The following RFX4 variants were observed in gnomAD, a reference collection of about 807,000 sequenced individuals.
RFX4 encodes regulatory factor X4.
In RFX4, 10 loss-of-function variants were observed where a neutral mutation model predicts 95.0. The ratio of observed to expected loss-of-function variants is 0.11; its 90% confidence interval spans 0.06 to 0.18. RFX4 has a LOEUF of 0.18. Among genes scored for constraint, RFX4 ranks in the 10% least tolerant of loss-of-function variants. The probability of loss-of-function intolerance (pLI) is 1.00; values close to 1 mark genes in which losing one functional copy is unlikely to be tolerated. For missense variants in RFX4, 640 were observed against 922.0 expected (o/e 0.69, Z 3.96); for synonymous variants, 321 against 340.7 (o/e 0.94, Z 0.64).
intron 17 of RFX4, among the ~76,000 whole-genome samples, chr12:106,760,120 G>A (rs2043183526): frequency 6.6e-6 from 1 of 152,196 alleles, no homozygotes; most frequent in Non-Finnish European, 1.5e-5. Context: ...AACTGTCAGG[G>A]AAGACAGATG....
At chr12:106,713,036 A>C (rs1468031988) in intron 10 of RFX4, among the ~76,000 whole-genome samples, 8 of 152,212 alleles carry the variant, frequency 5.3e-5, no homozygotes, top group African/African-American at 1.9e-4. Context: ...CACCTTCCGC[A>C]CAAAAACAGT....
intron 4 of RFX4, among the ~76,000 whole-genome samples, chr12:106,676,366 A>G (rs1310891510): frequency 1.3e-5 from 2 of 152,156 alleles, no homozygotes; most frequent in African/African-American, 4.8e-5. Flanking sequence ...AGTTCATGGA[A>G]GGAAATTTAG....
chr12:106,723,290 T>G (rs2042429278), intron 13 of RFX4, among the ~76,000 whole-genome samples: 1 of 152,206 alleles, frequency 6.6e-6, no homozygotes, highest in Admixed American at 6.5e-5. Flanking sequence ...AGGCAAACTT[T>G]TAGTCCTAAT....
At chr12:106,658,652 A>T (rs1424373650) in intron 4 of RFX4, among the ~76,000 whole-genome samples, 1 of 152,146 alleles carries the variant, frequency 6.6e-6, no homozygotes, top group Non-Finnish European at 1.5e-5. Context: ...TCATTTGACA[A>T]ACTGGTGCTC....
intron 17 of RFX4, among the ~76,000 whole-genome samples, chr12:106,752,678 C>G (rs2043032402): frequency 6.6e-6 from 1 of 152,176 alleles, no homozygotes; most frequent in African/African-American, 2.4e-5. Flanking sequence ...CCAGCCCGCA[C>G]AGGTAATCTT....
intron 10 of RFX4, chr12:106,715,130 CT>C (rs1039488838): frequency 3.1e-6 from 1 of 325,562 alleles, no homozygotes; most frequent in African/African-American, 2.1e-5. Context: ...ACCAAAGGGA[CT>C]GGAAACAGCA....
intron 17 of RFX4, among the ~76,000 whole-genome samples, chr12:106,755,572 T>C (rs1168887128): frequency 1.3e-5 from 2 of 152,078 alleles, no homozygotes; most frequent in African/African-American, 4.8e-5. Context: ...ATTCAAGAGG[T>C]TACTGCTGCT....
chr12:106,603,026 G>A (rs2039744119), intron 1 of RFX4, among the ~76,000 whole-genome samples: 1 of 152,238 alleles, frequency 6.6e-6, no homozygotes, highest in Admixed American at 6.5e-5. Context: ...TAATATATGT[G>A]TGTCCTGTTG....
rs60975691 is a variant in RFX4 at position 106,669,839 on chromosome 12, G to GGTGTGTGTGTGTGTGTGT, written c.316-12131_316-12114dup. Among the ~76,000 whole-genome samples, 5 of 143,254 alleles carry GGTGTGTGTGTGTGTGTGT rather than the reference G, an allele frequency of 3.5e-5. No homozygotes were observed. In the South Asian group the frequency reaches 9.4e-4, roughly 27 times the overall value. 94.0% of individuals were successfully genotyped at this position (143,254 alleles called of 152,430 possible). On this transcript the variant is annotated intron_variant, in intron 4 of 17. Coordinates refer to ENST00000392842, the MANE Select transcript of RFX4 (RefSeq NM_213594.3). Reference sequence around the variant, plus strand: ...GATTTCACACCAGGTTTTTTCTAGGGGTGTGTGTGTGTGTGTGTGTGTGTG... The same window carrying GGTGTGTGTGTGTGTGTGT: ...GATTTCACACCAGGTTTTTTCTAGGGGTGTGTGTGTGTGTGTGTGTGTGTGTGTGTGTGTGTGTGTGTG...
intron 3 of RFX4, among the ~76,000 whole-genome samples, chr12:106,652,631 T>A (rs1472104368): frequency 6.6e-6 from 1 of 152,194 alleles, no homozygotes; most frequent in Non-Finnish European, 1.5e-5. Context: ...GTAGATGAGA[T>A]GATCGGGGAC....
chr12:106,761,479 T>C lies in RFX4; in HGVS notation c.*10T>C. ...AGGATGGGCTAAATGACTGCTATCA[T>C]AGGCATCCATATTTAATATTAATAA... On this transcript the variant is annotated 3_prime_UTR_variant, in exon 18 of 18. Transcript: ENST00000392842. The C allele has an allele frequency of 6.5e-7, 1 of 1,537,520 alleles. No individual in the cohort carries two copies. Among genetic ancestry groups the C allele is most frequent in the South Asian group, 1.3e-5 (1 of 74,264 alleles).
At chr12:106,641,442 C>T (rs2040620248) in intron 3 of RFX4, among the ~76,000 whole-genome samples, 1 of 152,206 alleles carries the variant, frequency 6.6e-6, no homozygotes, top group South Asian at 2.1e-4. Context: ...GGGTGGGGCT[C>T]AGTCCTTCCC....
intron 3 of RFX4, chr12:106,645,978 C>A (rs1357636640): frequency 1.4e-5 from 18 of 1,283,354 alleles, no homozygotes; most frequent in Admixed American, 6.9e-5. Context: ...GCAGAAATTT[C>A]TCAGGGAATG....
At chr12:106,629,547 C>T (rs1001129333) in intron 2 of RFX4, among the ~76,000 whole-genome samples, 9 of 152,222 alleles carry the variant, frequency 5.9e-5, no homozygotes, top group South Asian at 2.1e-4. Context: ...GTGGTGTAAT[C>T]GTGGCTCACT....
At chr12:106,745,023 C>T (rs2137600167) in intron 15 of RFX4, among the ~76,000 whole-genome samples, 1 of 152,254 alleles carries the variant, frequency 6.6e-6, no homozygotes, top group Non-Finnish European at 1.5e-5. Context: ...CCTAACTATT[C>T]AGGCTTCCAG....
Position 106,720,928 on chromosome 12 carries a change from G to A in RFX4, c.1351+52G>A, listed in dbSNP as rs756504110. The stretch of plus-strand genomic sequence containing the variant: ...TCCAAGCACTTTTTCCTCTGGGCAC[G>A]GAGCCCAGAGGAATCTACCACAGTC... On this transcript the variant is annotated intron_variant, in intron 13 of 17. Coordinates refer to ENST00000392842, the MANE Select transcript of RFX4 (RefSeq NM_213594.3). This position sits in a 1 kb window ranked among gnomAD's most constrained non-coding sequence, Gnocchi z 4.2. 1.2e-5 allele frequency: 17 copies of A among 1,461,684 alleles called. No individual in the cohort carries two copies. Among genetic ancestry groups the A allele is most frequent in the Admixed American group, 6.8e-5 (4 of 59,186 alleles). 90.5% of individuals were successfully genotyped at this position (1,461,684 alleles called of 1,614,324 possible).
intron 8 of RFX4, among the ~76,000 whole-genome samples, chr12:106,700,126 G>A (rs1480913339): frequency 6.6e-6 from 1 of 151,980 alleles, no homozygotes; most frequent in Non-Finnish European, 1.5e-5. Flanking sequence ...CAACATCCTG[G>A]GCTCAAGCAG....
chr12:106,698,359 G>A (rs1489509537), intron 8 of RFX4, among the ~76,000 whole-genome samples: 5 of 151,918 alleles, frequency 3.3e-5, no homozygotes, highest in Non-Finnish European at 7.4e-5. Context: ...GCTCACTGCA[G>A]CCTCAAACTC....
intron 4 of RFX4, chr12:106,662,374 G>A (rs1208860748): frequency 6.5e-6 from 1 of 154,382 alleles, no homozygotes; most frequent in African/African-American, 2.4e-5. Context: ...TGAGGTGTTT[G>A]TTAAGTAAGG....
Sources: gnomAD v4.1 joint callset for allele counts (sites outside exome capture counted in the v4.1 genomes callset) on GRCh38, gnomAD v4.1.1 for gene constraint, Gnocchi (gnomAD v3.1) non-coding constraint, MANE v1.5 for transcripts, NCBI Gene and HGNC (gene_info 2026-07-23, HGNC 2026-07-21) for gene names.